TBC1D22A: variants seen among roughly 807,000 people sequenced by gnomAD.
The protein encoded by TBC1D22A is putative GTPase activator.
In TBC1D22A, 38 loss-of-function variants were observed where a neutral mutation model predicts 60.2. That is an observed-to-expected ratio of 0.63 (90% CI 0.49 to 0.83). TBC1D22A has a LOEUF of 0.83. Ranked by LOEUF, TBC1D22A falls within the 40% of genes least tolerant of loss-of-function variation. The pLI is 0.00. For missense variants in TBC1D22A, 628 were observed against 701.0 expected (o/e 0.90, Z 1.18); for synonymous variants, 302 against 281.7 (o/e 1.07, Z -0.72).
chr22:46,927,843 GATACTT>G (rs1226167330), intron 8 of TBC1D22A, among the ~76,000 whole-genome samples: 1 of 152,118 alleles, frequency 6.6e-6, no homozygotes, highest in African/African-American at 2.4e-5. Flanking sequence ...GAATGAATAA[GATACTT>G]AGACATAAAT....
chr22:47,156,760 C>T (rs2147189785), intron 12 of TBC1D22A, among the ~76,000 whole-genome samples: 1 of 152,296 alleles, frequency 6.6e-6, no homozygotes, highest in African/African-American at 2.4e-5. Flanking sequence ...AGTGCACTTG[C>T]CTGCGTAGCC....
intron 4 of TBC1D22A, among the ~76,000 whole-genome samples, chr22:46,824,545 A>G (rs139591): frequency 0.45 from 67,683 of 152,008 alleles, 15,832 homozygotes; most frequent in African/African-American, 0.61. Context: ...AGGAGGTCAC[A>G]TTCCATGCTA....
chr22:47,122,389 A>G (rs1306979762), intron 12 of TBC1D22A, among the ~76,000 whole-genome samples: 1 of 152,194 alleles, frequency 6.6e-6, no homozygotes, highest in Admixed American at 6.5e-5. Context: ...TCAGTGTCCC[A>G]TCACAGAGGA....
intron 11 of TBC1D22A, among the ~76,000 whole-genome samples, chr22:47,078,999 C>T (rs904859014): frequency 1.3e-5 from 2 of 151,894 alleles, no homozygotes; most frequent in Non-Finnish European, 2.9e-5. Context: ...TCTAAACACC[C>T]TGTATATATA....
chr22:46,792,428 G>T, intron 1 of TBC1D22A, 92 bp from the exon 2 acceptor site: 1 of 1,567,458 alleles, frequency 6.4e-7, no homozygotes, highest in Non-Finnish European at 8.8e-7. Flanking sequence ...AGTCCTGTGG[G>T]TTCCTGGGAG....
intron 4 of TBC1D22A, among the ~76,000 whole-genome samples, chr22:46,861,267 C>G (rs548988177): frequency 6.6e-6 from 1 of 152,204 alleles, no homozygotes; most frequent in African/African-American, 2.4e-5. Context: ...TTTTATCTCA[C>G]GTAAAATGAC....
intron 11 of TBC1D22A, among the ~76,000 whole-genome samples, chr22:47,110,392 T>C (rs1292948699): frequency 1.3e-5 from 2 of 152,144 alleles, no homozygotes; most frequent in African/African-American, 4.8e-5. Flanking sequence ...GACAGGAACA[T>C]TGCTTGAAAC....
intron 12 of TBC1D22A, among the ~76,000 whole-genome samples, chr22:47,173,236 G>A (rs2068558985): frequency 6.6e-6 from 1 of 152,168 alleles, no homozygotes; most frequent in Non-Finnish European, 1.5e-5. Context: ...TGGCCGTGGG[G>A]CGAGGCCTGG....
chr22:47,142,790 A>G (rs1310385918), intron 12 of TBC1D22A, among the ~76,000 whole-genome samples: 1 of 66,970 alleles, frequency 1.5e-5, no homozygotes, highest in Non-Finnish European at 2.7e-5. Context: ...TCATCCTTCT[A>G]TCCACCCACC....
chr22:47,033,886 A>G, intron 10 of TBC1D22A, among the ~76,000 whole-genome samples: 1 of 151,988 alleles, frequency 6.6e-6, no homozygotes, highest in Non-Finnish European at 1.5e-5. Flanking sequence ...TGCCTTTCTT[A>G]GGCACTCTGA....
chr22:47,140,005 A>G (rs2147139763), intron 12 of TBC1D22A, among the ~76,000 whole-genome samples: 1 of 152,314 alleles, frequency 6.6e-6, no homozygotes, highest in Middle Eastern at 3.4e-3. Context: ...ATATCTTTTT[A>G]TAATCATTAT....
At chr22:46,974,807 C>T (rs1420201743) in intron 9 of TBC1D22A, among the ~76,000 whole-genome samples, 1 of 152,196 alleles carries the variant, frequency 6.6e-6, no homozygotes, top group Non-Finnish European at 1.5e-5. Flanking sequence ...GGCTGTGAGC[C>T]CTCGCCTGCA....
chr22:47,027,519 G>T (rs1412548411), intron 10 of TBC1D22A, among the ~76,000 whole-genome samples: 1 of 152,078 alleles, frequency 6.6e-6, no homozygotes, highest in Non-Finnish European at 1.5e-5. Context: ...AAAGTCCACT[G>T]TGTCATTCTT....
chr22:47,050,332 A>G (rs2063168901), intron 11 of TBC1D22A, among the ~76,000 whole-genome samples: 1 of 152,222 alleles, frequency 6.6e-6, no homozygotes. Flanking sequence ...TACCGTCACC[A>G]TCACTGGGCA....
chr22:47,102,771 G>A (rs1182366394), intron 11 of TBC1D22A, among the ~76,000 whole-genome samples: 1 of 152,090 alleles, frequency 6.6e-6, no homozygotes, highest in Non-Finnish European at 1.5e-5. Flanking sequence ...TGGGTAGGAG[G>A]GCTGGCTGGG....
chr22:47,139,381 A>G (rs374049584), intron 12 of TBC1D22A, among the ~76,000 whole-genome samples: 2 of 152,158 alleles, frequency 1.3e-5, no homozygotes, highest in Admixed American at 1.3e-4. Flanking sequence ...GCAGGTGTGC[A>G]CCTCGAGACA....
intron 8 of TBC1D22A, 53 bp from the exon 9 acceptor site, chr22:46,974,237 G>A (rs1052311175): frequency 2.0e-5 from 30 of 1,492,946 alleles, no homozygotes; most frequent in East Asian, 4.9e-5. Context: ...CTCGTGGGTC[G>A]AGGTCCCGTG....
At chr22:47,172,982 A>G (rs1408550094) in intron 12 of TBC1D22A, among the ~76,000 whole-genome samples, 1 of 152,216 alleles carries the variant, frequency 6.6e-6, no homozygotes, top group African/African-American at 2.4e-5. Flanking sequence ...GTGCACAGAA[A>G]TCTGTGCTTA....
chr22:47,161,247 C>T (rs564019914), intron 12 of TBC1D22A, among the ~76,000 whole-genome samples: 3 of 152,280 alleles, frequency 2.0e-5, no homozygotes, highest in Admixed American at 2.0e-4. Context: ...AATTGAAAGA[C>T]GACAACTGGA....
Sources: gnomAD v4.1 joint callset for allele counts (sites outside exome capture counted in the v4.1 genomes callset) on GRCh38, gnomAD v4.1.1 for gene constraint, MANE v1.5 for transcripts, NCBI Gene and HGNC (gene_info 2026-07-23, HGNC 2026-07-21) for gene names.